TRPM5: variants seen among roughly 807,000 people sequenced by gnomAD.
The protein encoded by TRPM5 is MLSN1 and TRP-related.
TRPM5 carries 121 observed loss-of-function variants against 124.9 expected under a neutral mutation model. The observed-to-expected ratio is 0.97, with a 90% CI of 0.84 to 1.13. The LOEUF (loss-of-function observed/expected upper bound fraction) is 1.13. Ranked by LOEUF, TRPM5 falls within the 50% of genes most tolerant of loss-of-function variation. The pLI is 0.00. For missense variants in TRPM5, 1,643 were observed against 1,589.1 expected (o/e 1.03, Z -0.58); for synonymous variants, 781 against 700.5 (o/e 1.11, Z -1.81).
At chr11:2,423,106 C>G, upstream of TRPM5, 1 of 1,294,952 alleles carries the variant, frequency 7.7e-7, no homozygotes, top group Non-Finnish European at 1.1e-6. Context: ...ACCTCCCTCC[C>G]CTCAGGGGGC....
chr11:2,406,521 C>T, intron 21 of TRPM5, 140 bp downstream of exon 26: 3 of 1,181,758 alleles, frequency 2.5e-6, no homozygotes, highest in South Asian at 3.0e-5. Flanking sequence ...GAAAGCTAGG[C>T]CCCTGGGCTC....
At chr11:2,443,690 C>A in the TRPM5 span, among the ~76,000 whole-genome samples, 1 of 152,066 alleles carries the variant, frequency 6.6e-6, no homozygotes, top group Non-Finnish European at 1.5e-5. The surrounding 1 kb of genome is among the most constrained non-coding windows in gnomAD (Gnocchi z 5.0). Context: ...TCAGGGACGA[C>A]CTGGAAGTGT....
At chr11:2,421,794 A>T (rs1335713428) in intron 2 of TRPM5, among the ~76,000 whole-genome samples, 1 of 152,136 alleles carries the variant, frequency 6.6e-6, no homozygotes, top group Non-Finnish European at 1.5e-5. Flanking sequence ...GGGAGCAGGG[A>T]CATCTCATGG....
upstream of TRPM5, among the ~76,000 whole-genome samples, chr11:2,424,713 G>A (rs368904175): frequency 1.3e-5 from 2 of 152,342 alleles, no homozygotes; most frequent in Non-Finnish European, 2.9e-5. Flanking sequence ...TGGCCTTGCC[G>A]ACAGTTTGAC....
chr11:2,409,897 C>G (rs1850409944), intron 18 of TRPM5, among the ~76,000 whole-genome samples: 1 of 152,220 alleles, frequency 6.6e-6, no homozygotes, highest in Non-Finnish European at 1.5e-5. Flanking sequence ...TGTTTCCCTG[C>G]CTTCTCCCGT....
intron 18 of TRPM5, among the ~76,000 whole-genome samples, chr11:2,409,151 A>G (rs905752811): frequency 6.6e-6 from 1 of 151,852 alleles, no homozygotes; most frequent in Non-Finnish European, 1.5e-5. Context: ...TGTGTGAGTT[A>G]TTGAGTGTCT....
chr11:2,440,364 T>C, the TRPM5 span, among the ~76,000 whole-genome samples: 1 of 152,092 alleles, frequency 6.6e-6, no homozygotes, highest in Admixed American at 6.5e-5. The surrounding 1 kb of genome is among the most constrained non-coding windows in gnomAD (Gnocchi z 5.2). Context: ...GCCTTACAGA[T>C]GTAGGGCATC....
In TRPM5 at chr11:2,407,282, C is replaced by T. The variant is rs550516385; in HGVS notation, c.2955G>A (p.Val985=). The T allele has an allele frequency of 1.7e-5, 28 of 1,611,044 alleles. 1 individual carries two copies. The South Asian group carries it at 2.5e-4, about 15-fold the overall frequency. ...TCCAGAACATGTCTGCGTTGCCCTG[C>T]ACCACCTGGAACGTGTAGCTGCAGG... The change falls in exon 20 of 24, where the codon GTG becomes GTA. Residue 985 remains valine (V), a synonymous_variant. Coordinates refer to ENST00000155858, the Ensembl canonical transcript of TRPM5.
rs772292156 is a variant in TRPM5, at chr11:2,407,769, C to T, written c.2926G>A (p.Ala976Thr). ...GTTGGGTGGAGTCACCTGAACATGG[C>T]GATGAGCAGGTTCATGAGCAGCACA... Residue 976 changes from alanine to threonine, a missense_variant, in exon 19 of 24, where the codon GCC becomes ACC. Coordinates refer to ENST00000155858, the Ensembl canonical transcript of TRPM5. 4 of 1,613,476 alleles carry T rather than the reference C, an allele frequency of 2.5e-6. No homozygotes were observed. The highest frequency in any genetic ancestry group is 1.3e-5 in the African/African-American group (1 of 75,044).
At chr11:2,411,442 G>C (rs774790310) in exon 18 of TRPM5, 1 of 1,612,326 alleles carries the variant, frequency 6.2e-7, no homozygotes, top group Non-Finnish European at 8.5e-7. Flanking sequence ...CGGCCGTCAT[G>C]GGGGTGCAGC....
intron 1 of TRPM5, among the ~76,000 whole-genome samples, 186 bp downstream of exon 6, chr11:2,422,734 A>G (rs751300332): frequency 7.3e-5 from 11 of 151,678 alleles, no homozygotes; most frequent in Admixed American, 2.0e-4. Flanking sequence ...GGGAGGTAGG[A>G]GGCCGGCCAG....
intron 18 of TRPM5, among the ~76,000 whole-genome samples, chr11:2,409,228 C>T: frequency 6.6e-6 from 1 of 152,200 alleles, no homozygotes; most frequent in Non-Finnish European, 1.5e-5. Context: ...TGCCCCTCCT[C>T]TGTCCGCCCT....
rs1460219717 is a variant in TRPM5 at position 2,413,589 on chromosome 11, C to T, written c.1891-1G>A. The T allele has an allele frequency of 3.1e-6, 5 of 1,611,802 alleles. No individual in the cohort carries two copies. The African/African-American group carries it at 6.7e-5, about 22-fold the overall frequency. On this transcript the variant is annotated splice_acceptor_variant, in intron 12 of 23. Transcript: ENST00000155858. LOFTEE classifies it high-confidence loss of function. ...CCCACCAGATCCTGGTCAGGAAGGC[C>T]TGAGGTGAAGGCAAAACTGTCGGCT...
chr11:2,414,009 G>GGGGGGGGCCCC (rs1850511546), intron 12 of TRPM5, 52 bp downstream of exon 17: 7 of 1,023,726 alleles, frequency 6.8e-6, no homozygotes, highest in South Asian at 1.5e-5. Context: ...GGCCCAGCTC[G>GGGGGGGGCCCC]CCCGCCCACC....
At chr11:2,440,051 C>A in the TRPM5 span, among the ~76,000 whole-genome samples, 1 of 152,136 alleles carries the variant, frequency 6.6e-6, no homozygotes, top group African/African-American at 2.4e-5. The surrounding 1 kb of genome is among the most constrained non-coding windows in gnomAD (Gnocchi z 5.2). Context: ...AGCTGGACAC[C>A]ATTATCCTAA....
chr11:2,443,527 C>G, the TRPM5 span, among the ~76,000 whole-genome samples: 1 of 152,222 alleles, frequency 6.6e-6, no homozygotes, highest in African/African-American at 2.4e-5. The surrounding 1 kb of genome is among the most constrained non-coding windows in gnomAD (Gnocchi z 5.0). Context: ...CCCACTCCAT[C>G]CACTCTTGCT....
At chr11:2,442,899 C>G in the TRPM5 span, among the ~76,000 whole-genome samples, 1 of 152,202 alleles carries the variant, frequency 6.6e-6, no homozygotes, top group African/African-American at 2.4e-5. This position sits in a 1 kb window ranked among gnomAD's most constrained non-coding sequence, Gnocchi z 5.9. Flanking sequence ...GCTCCCTTTT[C>G]TATAGGACTG....
chr11:2,431,659 G>A, the TRPM5 span, among the ~76,000 whole-genome samples: 2 of 152,036 alleles, frequency 1.3e-5, no homozygotes, highest in Non-Finnish European at 2.9e-5. Context: ...GGCTTCTGGT[G>A]CTCTACCAGG....
chr11:2,418,757 C>T (rs1436289434), intron 4 of TRPM5, among the ~76,000 whole-genome samples, 166 bp from the exon 10 acceptor site: 3 of 152,196 alleles, frequency 2.0e-5, no homozygotes, highest in Non-Finnish European at 2.9e-5. Flanking sequence ...CAGCCCCTGC[C>T]ATATGAGGGC....
Sources: allele counts gnomAD v4.1 joint callset (sites outside exome capture counted in the v4.1 genomes callset), GRCh38; gene constraint gnomAD v4.1.1; non-coding constraint Gnocchi (gnomAD v3.1); transcripts MANE v1.5; gene names NCBI Gene and HGNC (gene_info 2026-07-23, HGNC 2026-07-21).